Variants in EPHA5 observed in about 807,000 individuals in gnomAD.
EPHA5 encodes the protein EPH receptor A5, also known as ephrin type-A receptor 5.
In EPHA5, 60 loss-of-function variants were observed where a neutral mutation model predicts 105.0. The observed-to-expected ratio is 0.57, with a 90% confidence interval of 0.46 to 0.71. The LOEUF is 0.71. Ranked by LOEUF, EPHA5 falls within the 30% of genes least tolerant of loss-of-function variation. EPHA5 has a pLI of 0.00. For missense variants in EPHA5, 1,218 were observed against 1,274.7 expected (o/e 0.96, Z 0.68); for synonymous variants, 513 against 449.1 (o/e 1.14, Z -1.80).
intron 3 of EPHA5, among the ~76,000 whole-genome samples, chr4:65,528,441 G>T (rs570745230): frequency 2.6e-5 from 4 of 151,388 alleles, no homozygotes; most frequent in Non-Finnish European, 5.9e-5. Context: ...TTCTTCCTCC[G>T]CCCTCCTCCT....
chr4:65,455,874 C>T (rs1002069595), intron 5 of EPHA5, among the ~76,000 whole-genome samples: 21 of 152,162 alleles, frequency 1.4e-4, no homozygotes, highest in African/African-American at 5.1e-4. Context: ...GAGTTATTAA[C>T]ATTGTTAAAA....
chr4:65,478,375 T>G (rs62298059), intron 5 of EPHA5, among the ~76,000 whole-genome samples: 31,769 of 152,172 alleles, frequency 0.21, 4,138 homozygotes, highest in Middle Eastern at 0.35. Context: ...TTAACAAAAT[T>G]TGTACATTTT....
intron 3 of EPHA5, among the ~76,000 whole-genome samples, chr4:65,518,630 A>T (rs1734347545): frequency 6.6e-6 from 1 of 152,046 alleles, no homozygotes; most frequent in Non-Finnish European, 1.5e-5. Flanking sequence ...TAAATTTATC[A>T]TTATGTTCTT....
intron 4 of EPHA5, among the ~76,000 whole-genome samples, chr4:65,494,826 T>C (rs1056320720): frequency 1.3e-5 from 2 of 152,172 alleles, no homozygotes; most frequent in Non-Finnish European, 2.9e-5. Flanking sequence ...CAGTTCTCTA[T>C]GTTCCTGAAA....
chr4:65,620,108 G>GTATATATATATATATATATATATATATA (rs34861369), intron 2 of EPHA5, among the ~76,000 whole-genome samples: 8 of 137,350 alleles, frequency 5.8e-5, no homozygotes, highest in African/African-American at 2.2e-4. Context: ...TTGGACTCAG[G>GTATATATATATATATATATATATATATA]TATATATATA....
At chr4:65,492,469 T>A (rs1402165485) in intron 4 of EPHA5, among the ~76,000 whole-genome samples, 1 of 144,826 alleles carries the variant, frequency 6.9e-6, no homozygotes, top group Non-Finnish European at 1.5e-5. Context: ...CCCACAGTGC[T>A]GAGATTACAG....
At chr4:65,576,063 GAAAAGA>G (rs1740948038) in intron 3 of EPHA5, among the ~76,000 whole-genome samples, 50 of 55,998 alleles carry the variant, frequency 8.9e-4, no homozygotes, top group South Asian at 3.5e-3. Flanking sequence ...AGAAAGAAAA[GAAAAGA>G]AAAGAAAAGA....
At chr4:65,355,521 C>A (rs1472388070) in intron 11 of EPHA5, among the ~76,000 whole-genome samples, 1 of 151,586 alleles carries the variant, frequency 6.6e-6, no homozygotes, top group African/African-American at 2.4e-5. Flanking sequence ...TCGTCCCATT[C>A]TCACATCTCT....
intron 8 of EPHA5, among the ~76,000 whole-genome samples, chr4:65,382,610 C>T (rs900565273): frequency 6.6e-6 from 1 of 151,752 alleles, no homozygotes; most frequent in African/African-American, 2.4e-5. Context: ...GAAGAAATTA[C>T]ATAACAACAG....
At position 65,348,793 on chromosome 4, in the gene EPHA5, G is replaced by GTATA. The variant is rs1553896810; in HGVS notation, c.2446-594_2446-591dup. Among the ~76,000 whole-genome samples, 40 of 42,848 alleles carry GTATA rather than the reference G, an allele frequency of 9.3e-4. 2 individuals carry two copies. Among genetic ancestry groups the GTATA allele is most frequent in the Admixed American group, 4.2e-3 (9 of 2,138 alleles). 28.1% of individuals were successfully genotyped at this position (42,848 alleles called of 152,430 possible). A position where few individuals can be genotyped will look rare whatever the true frequency, so the allele number is the denominator to read the frequency against. On this transcript the variant is annotated intron_variant, in intron 13 of 16. Coordinates refer to ENST00000613740, the MANE Select transcript of EPHA5 (RefSeq NM_001281766.3). ...TATGTGTGTGCATGTGTGTGTGTGT[G>GTATA]TATATATATATATATATATATATTT...
chr4:65,493,512 G>T (rs1325061243), intron 4 of EPHA5, among the ~76,000 whole-genome samples: 1 of 152,138 alleles, frequency 6.6e-6, no homozygotes, highest in Non-Finnish European at 1.5e-5. Flanking sequence ...TGCAGTATTT[G>T]TGGTATTATG....
chr4:65,466,978 A>G (rs778450717), intron 5 of EPHA5, among the ~76,000 whole-genome samples: 26 of 152,168 alleles, frequency 1.7e-4, no homozygotes, highest in Non-Finnish European at 3.4e-4. Context: ...ACATCTGGGA[A>G]CAGAAAGCAA....
At chr4:65,354,998 A>T (rs1346328498) in intron 11 of EPHA5, among the ~76,000 whole-genome samples, 1 of 151,784 alleles carries the variant, frequency 6.6e-6, no homozygotes, top group Non-Finnish European at 1.5e-5. Flanking sequence ...AAAATACTTT[A>T]TTTGACACAG....
chr4:65,398,381 C>A (rs1421427447), intron 8 of EPHA5, among the ~76,000 whole-genome samples: 2 of 152,148 alleles, frequency 1.3e-5, no homozygotes, highest in African/African-American at 2.4e-5. Context: ...AGTGGCTCAG[C>A]ATGGGCCTGC....
At chr4:65,650,250 T>C (rs1439189495) in intron 1 of EPHA5, among the ~76,000 whole-genome samples, 1 of 151,952 alleles carries the variant, frequency 6.6e-6, no homozygotes, top group African/African-American at 2.4e-5. Flanking sequence ...TGCAATGCCA[T>C]ATAACTAGTT....
chr4:65,441,568 A>G (rs1197202812), intron 5 of EPHA5, among the ~76,000 whole-genome samples: 1 of 152,130 alleles, frequency 6.6e-6, no homozygotes, highest in Non-Finnish European at 1.5e-5. Context: ...AGAGAGGAAG[A>G]GATAAAGTAA....
chr4:65,496,645 T>C (rs1731973025), intron 3 of EPHA5, among the ~76,000 whole-genome samples: 1 of 151,770 alleles, frequency 6.6e-6, no homozygotes, highest in South Asian at 2.1e-4. Context: ...GACATTTGGG[T>C]TGGTTCCAAG....
intron 1 of EPHA5, among the ~76,000 whole-genome samples, chr4:65,659,319 G>A (rs1259909681): frequency 2.8e-5 from 2 of 71,602 alleles, no homozygotes; most frequent in African/African-American, 1.1e-4. Flanking sequence ...TAGAGTAACA[G>A]AAAAAAAAAA....
chr4:65,619,143 G>T (rs755619616), intron 2 of EPHA5, among the ~76,000 whole-genome samples: 1 of 151,582 alleles, frequency 6.6e-6, no homozygotes, highest in Non-Finnish European at 1.5e-5. Flanking sequence ...GTGAGACTCC[G>T]TCCAAAAAAA....
Sources: gnomAD v4.1 joint callset for allele counts (sites outside exome capture counted in the v4.1 genomes callset) on GRCh38, gnomAD v4.1.1 for gene constraint, MANE v1.5 for transcripts, NCBI Gene and HGNC (gene_info 2026-07-23, HGNC 2026-07-21) for gene names.